The following SEC11A variants were observed in gnomAD, a reference collection of about 807,000 sequenced individuals.
SEC11A encodes the protein signal peptidase complex catalytic subunit SEC11A.
Under a neutral mutation model 25.6 loss-of-function variants are expected in SEC11A, and 14 were observed. The observed-to-expected ratio is 0.55, with a 90% CI of 0.36 to 0.85. The LOEUF (loss-of-function observed/expected upper bound fraction) is 0.85. Ranked by LOEUF, SEC11A falls within the 40% of genes least tolerant of loss-of-function variation. The pLI is 0.01. For synonymous variants in SEC11A, 83 were observed against 76.4 expected (o/e 1.09, Z -0.45); for missense variants, 153 against 222.9 (o/e 0.69, Z 2.00).
chr15:84,712,257 C>T (rs1898297910), intron 1 of SEC11A, among the ~76,000 whole-genome samples: 1 of 150,790 alleles, frequency 6.6e-6, no homozygotes. Flanking sequence ...AAAAAAAATT[C>T]TAAGAAACCC....
intron 2 of SEC11A, among the ~76,000 whole-genome samples, chr15:84,689,444 T>G (rs1244455901): frequency 6.6e-6 from 1 of 152,148 alleles, no homozygotes; most frequent in Non-Finnish European, 1.5e-5. Flanking sequence ...GTAATCTAAG[T>G]ACTATTACTT....
At position 84,687,704 on chromosome 15, in the gene SEC11A, G is replaced by A. The variant is rs752314978; in HGVS notation, c.232C>T (p.Arg78Ter). 3.1e-6 allele frequency: 5 copies of A among 1,601,964 alleles called. No homozygotes were observed. Among genetic ancestry groups the A allele is most frequent in the East Asian group, 2.3e-5 (1 of 44,366 alleles). Residue 78 changes from arginine to a stop codon, truncating the protein, a stop_gained, in exon 3 of 6, where the codon CGA (arginine) becomes TGA (stop). Coordinates refer to ENST00000268220, the MANE Select transcript of SEC11A (RefSeq NM_014300.4). LOFTEE classifies it high-confidence loss of function. ...FLTNRVEDPIRVGEIVVFRIE... is the reference protein window; with the variant it reads ...FLTNRVEDPI ...CTAAAAACAACAATTTCTCCCACTC[G>A]TATGGGATCTTCAACTCGATTTGTT... is the stretch of plus-strand genomic sequence containing the variant.
At chr15:84,670,924 C>T (rs557447748) in intron 4 of SEC11A, 142 bp from the exon 5 acceptor site, 3 of 437,684 alleles carry the variant, frequency 6.9e-6, no homozygotes, top group South Asian at 8.9e-5. Context: ...CTATTTGATC[C>T]TTGCAAAAGC....
At chr15:84,679,268 T>C (rs1897222674) in intron 4 of SEC11A, 2 of 1,268,304 alleles carry the variant, frequency 1.6e-6, no homozygotes, top group Non-Finnish European at 1.0e-6. Context: ...GGACTAGTAT[T>C]TCTCAGAAGC....
rs750897940 is a variant in SEC11A at position 84,670,020 on chromosome 15, T to C, written c.539A>G (p.Ter180=). 4 of 1,613,652 alleles carry C rather than the reference T, an allele frequency of 2.5e-6. No homozygotes were observed. In the South Asian group the frequency reaches 4.4e-5, roughly 18 times the overall value. Residue 180 remains the stop codon, a stop_retained_variant, in exon 6 of 6, where the codon TAA becomes TGA. Coordinates refer to ENST00000268220, the MANE Select transcript of SEC11A (RefSeq NM_014300.4). ...LGLFVLVHRE[*] is the part of the protein sequence containing the mutation. ...CCCAGGAACAGCAAGGCAGGCTTCT[T>C]ACTCACGATGAACCAGCACGAATAA... is the stretch of plus-strand genomic sequence containing the variant.
Position 84,691,522 on chromosome 15 carries a change from G to GA in SEC11A, c.161+12dup, listed in dbSNP as rs1389969288. 5 of 1,495,824 alleles carry GA rather than the reference G, an allele frequency of 3.3e-6. No individual in the cohort carries two copies. The highest frequency in any genetic ancestry group is 4.6e-6 in the Non-Finnish European group (5 of 1,077,976). The allele number at this position is 1,495,824 out of a possible 1,614,324, so 92.7% of individuals were successfully genotyped here. On this transcript the variant is annotated intron_variant, in intron 2 of 5. Transcript: ENST00000268220. ...GCCATGCAATTCCATGCCTTGAAAGGAAAAACTGTTACCTGAGCACCACTA... is the reference window on the plus strand; with the variant it reads ...GCCATGCAATTCCATGCCTTGAAAGGAAAAAACTGTTACCTGAGCACCACTA...
chr15:84,675,861 C>T (rs943922769), intron 4 of SEC11A, among the ~76,000 whole-genome samples: 1 of 152,096 alleles, frequency 6.6e-6, no homozygotes, highest in Non-Finnish European at 1.5e-5. Context: ...ATGAATAAGC[C>T]TTAAAAACAT....
At chr15:84,710,434 G>A (rs1170661998) in intron 1 of SEC11A, among the ~76,000 whole-genome samples, 2 of 152,114 alleles carry the variant, frequency 1.3e-5, no homozygotes, top group Non-Finnish European at 2.9e-5. Flanking sequence ...AGGAGTTCGA[G>A]ACCAGCCTGG....
chr15:84,687,555 A>G (rs1897464404), intron 3 of SEC11A, 70 bp downstream of exon 3: 1 of 1,334,254 alleles, frequency 7.5e-7, no homozygotes, highest in Non-Finnish European at 1.0e-6. Context: ...TCTTTAGGCT[A>G]TCAAAACTAA....
chr15:84,694,686 G>A (rs1366622408), intron 1 of SEC11A, among the ~76,000 whole-genome samples: 1 of 152,066 alleles, frequency 6.6e-6, no homozygotes, highest in Non-Finnish European at 1.5e-5. Flanking sequence ...TGAGGGGCTA[G>A]GCACAGAGAC....
In SEC11A at chr15:84,716,099, C is replaced by T. The variant is rs765588573; in HGVS notation, c.-24G>A. The T allele has an allele frequency of 3.1e-6, 5 of 1,612,516 alleles. No homozygotes were observed. The highest frequency in any genetic ancestry group is 4.2e-6 in the Non-Finnish European group (5 of 1,179,002). Reference sequence around the variant, plus strand: ...ATGGCGGGGACGGCGAGCAGGACACCGGCAGGGGAAAGGGCGCGATGACCA... The same window carrying T: ...ATGGCGGGGACGGCGAGCAGGACACTGGCAGGGGAAAGGGCGCGATGACCA... On this transcript the variant is annotated 5_prime_UTR_variant, in exon 1 of 6. Coordinates refer to ENST00000268220, the MANE Select transcript of SEC11A (RefSeq NM_014300.4).
chr15:84,671,834 C>T (rs1204231409), intron 4 of SEC11A: 3 of 152,172 alleles, frequency 2.0e-5, no homozygotes, highest in South Asian at 2.1e-4. Context: ...CCTATTTTCT[C>T]CCAGGGCTTA....
chr15:84,707,181 C>CTTTTTTTTT (rs35694643), intron 1 of SEC11A, among the ~76,000 whole-genome samples: 2 of 91,646 alleles, frequency 2.2e-5, no homozygotes, highest in African/African-American at 4.1e-5. Context: ...TTGTGTGAGA[C>CTTTTTTTTT]TTTTTTTTTT....
chr15:84,682,991 T>C lies in SEC11A; in HGVS notation c.312-2159A>G, dbSNP rs150136353. On this transcript the variant is annotated intron_variant, in intron 3 of 5. Coordinates refer to ENST00000268220, the MANE Select transcript of SEC11A (RefSeq NM_014300.4). ...AAGCCGGAAACTGGCTCACTAGATG[T>C]TAAATCTGCAGAGGAAACTAAATTG... Among the ~76,000 whole-genome samples, 749 of 152,096 alleles carry C rather than the reference T, an allele frequency of 4.9e-3. 17 individuals are homozygous for C. Among genetic ancestry groups the C allele is most frequent in the Admixed American group, 0.043 (658 of 15,218 alleles).
chr15:84,707,031 G>A (rs1433925318), intron 1 of SEC11A, among the ~76,000 whole-genome samples: 6 of 152,076 alleles, frequency 3.9e-5, no homozygotes, highest in Admixed American at 3.9e-4. Flanking sequence ...TCCAGCAGCT[G>A]GATGTGGAAT....
At chr15:84,693,318 A>C (rs116421092) in intron 1 of SEC11A, among the ~76,000 whole-genome samples, 203 of 151,876 alleles carry the variant, frequency 1.3e-3, no homozygotes, top group African/African-American at 4.8e-3. Context: ...CAGTTCTAAT[A>C]ATGCACAAAC....
At chr15:84,684,548 G>A (rs1171365589) in intron 3 of SEC11A, among the ~76,000 whole-genome samples, 1 of 152,050 alleles carries the variant, frequency 6.6e-6, no homozygotes, top group East Asian at 1.9e-4. Flanking sequence ...CATGAGAACA[G>A]ACTAATATAC....
intron 4 of SEC11A, chr15:84,671,055 C>G (rs1896971426): frequency 7.5e-6 from 2 of 265,328 alleles, no homozygotes; most frequent in Non-Finnish European, 1.4e-5. Flanking sequence ...GGTCTTAGAT[C>G]TCCAGGTGGT....
intron 2 of SEC11A, among the ~76,000 whole-genome samples, chr15:84,690,040 G>A (rs377555726): frequency 5.5e-4 from 83 of 152,280 alleles, no homozygotes; most frequent in African/African-American, 1.9e-3. Flanking sequence ...AGGCCAAGGT[G>A]GGAGGATCCT....
Sources: gnomAD v4.1 joint callset for allele counts (sites outside exome capture counted in the v4.1 genomes callset) on GRCh38, gnomAD v4.1.1 for gene constraint, MANE v1.5 for transcripts, NCBI Gene and HGNC (gene_info 2026-07-23, HGNC 2026-07-21) for gene names.